The following FUT8 variants were observed in gnomAD, a reference collection of about 807,000 sequenced individuals.
The protein encoded by FUT8 is fucosyltransferase 8.
FUT8 carries 29 observed loss-of-function variants against 71.3 expected under a neutral mutation model. That is an observed-to-expected ratio of 0.41 (90% CI 0.30 to 0.55). The LOEUF is 0.55. Among genes scored for constraint, FUT8 ranks in the 20% least tolerant of loss-of-function variants. The pLI is 0.34. For synonymous variants in FUT8, 254 were observed against 239.3 expected, an observed-to-expected ratio of 1.06 and a Z score of -0.57; for missense variants, 544 against 702.1, an observed-to-expected ratio of 0.77 and a Z score of 2.55.
intron 3 of FUT8, among the ~76,000 whole-genome samples, chr14:65,565,312 T>C (rs1886132766): frequency 6.6e-6 from 1 of 151,912 alleles, no homozygotes; most frequent in Non-Finnish European, 1.5e-5. Flanking sequence ...AATACTGCCA[T>C]GTTGGGGATC....
At chr14:65,390,021 A>G in the FUT8 span, among the ~76,000 whole-genome samples, 1 of 151,148 alleles carries the variant, frequency 6.6e-6, no homozygotes, top group African/African-American at 2.4e-5. Flanking sequence ...CACGCTTGTA[A>G]TCCCAGCTAC....
At chr14:65,695,843 C>G (rs1893964669) in intron 7 of FUT8, among the ~76,000 whole-genome samples, 3 of 151,950 alleles carry the variant, frequency 2.0e-5, no homozygotes, top group South Asian at 4.2e-4. Flanking sequence ...TCTGCCTTCT[C>G]TGGTTTTAAT....
chr14:65,423,489 C>T (rs1259479381), intron 1 of FUT8, among the ~76,000 whole-genome samples: 1 of 151,948 alleles, frequency 6.6e-6, no homozygotes, highest in Non-Finnish European at 1.5e-5. Context: ...GTCTTGATCT[C>T]CTGACCTCGT....
At chr14:65,555,913 C>G (rs916571648) in intron 2 of FUT8, among the ~76,000 whole-genome samples, 5 of 152,050 alleles carry the variant, frequency 3.3e-5, no homozygotes, top group Admixed American at 6.6e-5. Context: ...TCTGTTAAAT[C>G]TCTTATTTGC....
At chr14:65,463,152 A>G (rs34105141) in intron 2 of FUT8, among the ~76,000 whole-genome samples, 3 of 152,142 alleles carry the variant, frequency 2.0e-5, no homozygotes, top group Admixed American at 6.5e-5. Context: ...GTTAAAACAG[A>G]CAGAATATAG....
chr14:65,632,771 T>G (rs1226416973), intron 6 of FUT8, among the ~76,000 whole-genome samples: 1 of 152,256 alleles, frequency 6.6e-6, no homozygotes, highest in Non-Finnish European at 1.5e-5. Context: ...TTTTGGGTTC[T>G]TGATTATGAA....
At chr14:65,361,887 G>A in the FUT8 span, among the ~76,000 whole-genome samples, 1 of 152,152 alleles carries the variant, frequency 6.6e-6, no homozygotes, top group Non-Finnish European at 1.5e-5. Flanking sequence ...TAGTGGCCTT[G>A]GGTATTTCCT....
chr14:65,374,062 T>C, the FUT8 span, among the ~76,000 whole-genome samples: 2 of 152,260 alleles, frequency 1.3e-5, no homozygotes, highest in African/African-American at 4.8e-5. Flanking sequence ...CCCCAAAGGC[T>C]GAGTCTTTCT....
At chr14:65,427,817 T>C (rs1053701357) in intron 1 of FUT8, among the ~76,000 whole-genome samples, 2 of 152,204 alleles carry the variant, frequency 1.3e-5, no homozygotes, top group African/African-American at 4.8e-5. Context: ...CCCATTCTTG[T>C]CCATTTGCAG....
intron 2 of FUT8, among the ~76,000 whole-genome samples, chr14:65,503,778 A>G (rs2066683229): frequency 6.6e-6 from 1 of 152,154 alleles, no homozygotes; most frequent in African/African-American, 2.4e-5. Context: ...CTAGACAGAT[A>G]ATGTGTCTCA....
At chr14:65,600,269 G>T (rs528895095) in intron 3 of FUT8, among the ~76,000 whole-genome samples, 6 of 152,092 alleles carry the variant, frequency 3.9e-5, no homozygotes, top group African/African-American at 1.4e-4. Context: ...ACTTTAGCTG[G>T]TTATATGACA....
At chr14:65,513,799 T>G (rs1882520854) in intron 2 of FUT8, among the ~76,000 whole-genome samples, 1 of 152,210 alleles carries the variant, frequency 6.6e-6, no homozygotes, top group Non-Finnish European at 1.5e-5. Flanking sequence ...AAGCACGTGC[T>G]TCACCGAAGG....
chr14:65,553,447 G>C (rs1375005045), intron 2 of FUT8, among the ~76,000 whole-genome samples: 2 of 151,956 alleles, frequency 1.3e-5, no homozygotes, highest in Non-Finnish European at 2.9e-5. Context: ...ATCTTTTAAT[G>C]TGGTTAAATT....
At chr14:65,360,249 A>T in the FUT8 span, among the ~76,000 whole-genome samples, 1 of 152,212 alleles carries the variant, frequency 6.6e-6, no homozygotes, top group Admixed American at 6.5e-5. Flanking sequence ...TCAAAATCTA[A>T]CATGAAACAA....
intron 5 of FUT8, among the ~76,000 whole-genome samples, chr14:65,625,064 C>CATAA (rs145476463): frequency 0.18 from 26,512 of 146,402 alleles, 2,754 homozygotes; most frequent in African/African-American, 0.29. Flanking sequence ...GAAACTCTGT[C>CATAA]ATAAATAAAT....
chr14:65,629,915 A>T (rs1248255439), intron 6 of FUT8, among the ~76,000 whole-genome samples: 1 of 152,094 alleles, frequency 6.6e-6, no homozygotes, highest in Non-Finnish European at 1.5e-5. Flanking sequence ...TGAAATGCTT[A>T]TTGGAGTTTT....
intron 2 of FUT8, among the ~76,000 whole-genome samples, chr14:65,546,709 C>T (rs376073673): frequency 4.0e-5 from 6 of 151,618 alleles, no homozygotes; most frequent in African/African-American, 1.5e-4. Flanking sequence ...TTGAGGTATA[C>T]GGTAAGTATA....
chr14:65,742,516 G>A lies in FUT8; in HGVS notation c.*106G>A. The A allele has an allele frequency of 1.1e-6, 1 of 900,050 alleles. No homozygotes were observed. The highest frequency in any genetic ancestry group is 1.7e-6 in the Non-Finnish European group (1 of 599,658). 55.8% of individuals were successfully genotyped at this position (900,050 alleles called of 1,614,324 possible). A position where few individuals can be genotyped will look rare whatever the true frequency, so the allele number is the denominator to read the frequency against. On this transcript the variant is annotated 3_prime_UTR_variant, in exon 11 of 11. Coordinates refer to ENST00000673929, the MANE Select transcript of FUT8 (RefSeq NM_001371533.1). ...GAGGGCTCTGATCTAACAAAATAAG[G>A]TTATATGAGTAGATACTCTCAGCAC...
At chr14:65,686,071 C>T (rs1274874141) in intron 7 of FUT8, among the ~76,000 whole-genome samples, 18 of 152,134 alleles carry the variant, frequency 1.2e-4, no homozygotes, top group Admixed American at 1.1e-3. Flanking sequence ...GTTCAGATGC[C>T]TCTGACAACT....
Sources: allele counts gnomAD v4.1 joint callset (sites outside exome capture counted in the v4.1 genomes callset), GRCh38; gene constraint gnomAD v4.1.1; transcripts MANE v1.5; gene names NCBI Gene and HGNC (gene_info 2026-07-23, HGNC 2026-07-21).